RALGAPB: variants seen among roughly 807,000 people sequenced by gnomAD.
RALGAPB encodes Ral GTPase activating protein non-catalytic subunit beta, also known as ral GTPase-activating protein subunit beta.
A neutral mutation model predicts 161.1 loss-of-function variants in RALGAPB; 25 were observed. The observed-to-expected ratio is 0.16, with a 90% confidence interval of 0.11 to 0.22. The LOEUF is 0.22. RALGAPB is among the 10% of genes least tolerant of loss of function. RALGAPB has a pLI of 1.00. For missense variants in RALGAPB, 1,391 were observed against 1,815.2 expected (o/e 0.77, Z 4.25); for synonymous variants, 629 against 626.1 (o/e 1.00, Z -0.07).
In RALGAPB at chr20:38,476,473, G is replaced by A. The variant is rs1026190306; in HGVS notation, c.-31+3404G>A. 6.6e-5 allele frequency among the ~76,000 whole-genome samples: 10 copies of A among 152,128 alleles called. No homozygotes were observed. In the East Asian group the frequency reaches 1.3e-3, roughly 20 times the overall value. ...GAAAGCAGGCCTCCTTCCTCTGGACGGTGTCCCCTTTCGCCCCCGACCCCT... is the reference window on the plus strand; with the variant it reads ...GAAAGCAGGCCTCCTTCCTCTGGACAGTGTCCCCTTTCGCCCCCGACCCCT... On this transcript the variant is annotated intron_variant, in intron 1 of 29. Transcript: ENST00000262879.
chr20:38,516,350 G>C lies in RALGAPB; in HGVS notation c.1031G>C (p.Cys344Ser). Residue 344 changes from cysteine to serine, a missense_variant, in exon 7 of 30, where the codon TGT (cysteine) becomes TCT (serine). This residue lies in a region of RALGAPB where 946 missense variants were observed against 1,257.2 expected (regional missense o/e 0.75). Coordinates refer to ENST00000262879, the MANE Select transcript of RALGAPB (RefSeq NM_020336.4). ...IFFRAMRGIS[C>S]LVDAFLGISR... ...TTTCGTGCCATGCGTGGAATCAGCT[G>C]TCTGGTGGATGCATTCTTAGGTGAA... The C allele has an allele frequency of 1.2e-6, 2 of 1,613,752 alleles. No homozygotes were observed. Among genetic ancestry groups the C allele is most frequent in the South Asian group, 1.1e-5 (1 of 90,934 alleles).
intron 12 of RALGAPB, 55 bp downstream of exon 12, chr20:38,525,573 T>G: frequency 7.8e-7 from 1 of 1,275,362 alleles, no homozygotes; most frequent in South Asian, 1.3e-5. Flanking sequence ...TGTACTAATT[T>G]AAGTCAAATC....
chr20:38,509,748 T>C (rs73905627), intron 6 of RALGAPB, among the ~76,000 whole-genome samples: 1,593 of 152,364 alleles, frequency 0.01, 22 homozygotes, highest in African/African-American at 0.036. Flanking sequence ...CAGCCCCATC[T>C]GTGTGCTCTG....
chr20:38,548,937 C>G, intron 20 of RALGAPB, 142 bp downstream of exon 20: 2 of 655,858 alleles, frequency 3.0e-6, no homozygotes, highest in Non-Finnish European at 5.3e-6. Context: ...TCAGAATCAT[C>G]TAGGAACCTA....
rs148297508 is a variant in RALGAPB, at chr20:38,488,380, G to A, written c.-30-23G>A. 2.3e-5 allele frequency: 32 copies of A among 1,398,290 alleles called. 1 individual carries two copies. In the Middle Eastern group the frequency reaches 7.3e-4, roughly 32 times the overall value. 86.6% of individuals were successfully genotyped at this position (1,398,290 alleles called of 1,614,324 possible). ...AATTTCCAATAGTATAATTTGACAT[G>A]CATTTCTGTTTTGTCTTTTCAGGTG... is the stretch of plus-strand genomic sequence containing the variant. On this transcript the variant is annotated intron_variant, in intron 1 of 29. Coordinates refer to ENST00000262879, the MANE Select transcript of RALGAPB (RefSeq NM_020336.4).
At chr20:38,537,149 G>A (rs1226927131) in intron 16 of RALGAPB, among the ~76,000 whole-genome samples, 1 of 152,182 alleles carries the variant, frequency 6.6e-6, no homozygotes, top group Non-Finnish European at 1.5e-5. Flanking sequence ...TGGCATAGGG[G>A]TGGACAAATT....
intron 1 of RALGAPB, among the ~76,000 whole-genome samples, chr20:38,478,653 G>A (rs989381173): frequency 6.6e-6 from 1 of 151,682 alleles, no homozygotes; most frequent in Non-Finnish European, 1.5e-5. Context: ...TTTCGCTCTT[G>A]TTGTTCAGGC....
intron 1 of RALGAPB, among the ~76,000 whole-genome samples, chr20:38,484,070 T>G (rs1414650065): frequency 1.3e-5 from 2 of 151,902 alleles, no homozygotes; most frequent in Admixed American, 1.3e-4. Context: ...TCCCAGCTAC[T>G]CAGGAGTCTG....
chr20:38,482,699 G>T (rs2085004629), intron 1 of RALGAPB, among the ~76,000 whole-genome samples: 1 of 152,154 alleles, frequency 6.6e-6, no homozygotes. Flanking sequence ...AAAGTCCTGG[G>T]ATTACAGGCG....
chr20:38,473,911 C>A (rs1227972406), intron 1 of RALGAPB, among the ~76,000 whole-genome samples: 1 of 152,128 alleles, frequency 6.6e-6, no homozygotes, highest in East Asian at 1.9e-4. Context: ...TTTGATAATT[C>A]TGCATCTCAA....
At chr20:38,530,513 C>G (rs1405465845) in intron 13 of RALGAPB, among the ~76,000 whole-genome samples, 1 of 151,656 alleles carries the variant, frequency 6.6e-6, no homozygotes, top group Non-Finnish European at 1.5e-5. Flanking sequence ...CTGACTCGGC[C>G]TCCCAAAGTG....
At chr20:38,477,001 C>T (rs1385756952) in intron 1 of RALGAPB, among the ~76,000 whole-genome samples, 1 of 152,050 alleles carries the variant, frequency 6.6e-6, no homozygotes, top group Non-Finnish European at 1.5e-5. Flanking sequence ...ACTGGGAATA[C>T]AAAGATAAAT....
chr20:38,551,276 C>T (rs771210963), intron 21 of RALGAPB, 53 bp downstream of exon 21: 10 of 1,564,844 alleles, frequency 6.4e-6, no homozygotes, highest in South Asian at 5.6e-5. Flanking sequence ...AACATTCTTA[C>T]GACTTCCTTG....
At chr20:38,479,127 T>C (rs543576373) in intron 1 of RALGAPB, among the ~76,000 whole-genome samples, 68 of 152,314 alleles carry the variant, frequency 4.5e-4, no homozygotes, top group African/African-American at 1.5e-3. Flanking sequence ...TGTACCATGG[T>C]GTCATCTTTG....
At chr20:38,542,898 T>C (rs1396120290) in intron 18 of RALGAPB, among the ~76,000 whole-genome samples, 1 of 152,062 alleles carries the variant, frequency 6.6e-6, no homozygotes, top group African/African-American at 2.4e-5. Flanking sequence ...TAAAACTTGA[T>C]GCATGTCTTA....
chr20:38,529,645 A>T (rs187057558), intron 13 of RALGAPB, among the ~76,000 whole-genome samples: 311 of 152,240 alleles, frequency 2.0e-3, no homozygotes, highest in African/African-American at 7.2e-3. Flanking sequence ...AGCCTGGCCA[A>T]GATGGTGAAA....
intron 9 of RALGAPB, among the ~76,000 whole-genome samples, chr20:38,520,644 AG>A (rs1318734479): frequency 6.8e-6 from 1 of 147,488 alleles, no homozygotes; most frequent in Non-Finnish European, 1.5e-5. Flanking sequence ...TAGCTTATTT[AG>A]GACTAAAAAT....
rs372642273 is a variant in RALGAPB, at chr20:38,497,307, T to C, written c.390-46T>C. 9 of 1,575,468 alleles carry C rather than the reference T, an allele frequency of 5.7e-6. No homozygotes were observed. The African/African-American group carries it at 1.1e-4, about 19-fold the overall frequency. On this transcript the variant is annotated intron_variant, in intron 3 of 29. Transcript: ENST00000262879. ...AAGTCACCTGTCCTGAAGCTGTTGC[T>C]GTCTCTCCTCCAGGCTTGTCAGTGA...
At chr20:38,534,949 G>A (rs1025219894) in intron 15 of RALGAPB, 125 bp from the exon 16 acceptor site, 1 of 1,184,436 alleles carries the variant, frequency 8.4e-7, no homozygotes, top group East Asian at 2.3e-5. Context: ...GCGTAGCACT[G>A]TGTGGGTGCC....
Sources: allele counts gnomAD v4.1 joint callset (sites outside exome capture counted in the v4.1 genomes callset), GRCh38; gene constraint gnomAD v4.1.1; regional missense constraint gnomAD v4.1.1; transcripts MANE v1.5; gene names NCBI Gene and HGNC (gene_info 2026-07-23, HGNC 2026-07-21).